AGPAT5: variants seen among roughly 807,000 people sequenced by gnomAD.
The protein encoded by AGPAT5 is 1-acyl-sn-glycerol-3-phosphate acyltransferase epsilon.
A neutral mutation model predicts 45.6 loss-of-function variants in AGPAT5; 46 were observed. The ratio of observed to expected loss-of-function variants is 1.01; its 90% CI spans 0.80 to 1.29. The LOEUF is 1.29. AGPAT5 is among the 50% of genes most tolerant of loss of function. The probability of loss-of-function intolerance (pLI) is 0.00; values close to 1 mark genes in which losing one functional copy is unlikely to be tolerated. For synonymous variants in AGPAT5, 272 were observed against 167.0 expected (o/e 1.63, Z -4.85); for missense variants, 673 against 450.7 (o/e 1.49, Z -4.47).
intron 2 of AGPAT5, among the ~76,000 whole-genome samples, chr8:6,729,249 T>C (rs1444100727): frequency 6.6e-6 from 1 of 152,188 alleles, no homozygotes; most frequent in African/African-American, 2.4e-5. Flanking sequence ...TTCCCATAGC[T>C]GAGAGCTAAT....
At position 6,758,340 on chromosome 8, in the gene AGPAT5, G is replaced by C. The variant is rs1355537618; in HGVS notation, c.*952G>C. 1.3e-5 allele frequency: 2 copies of C among 152,646 alleles called. No homozygotes were observed. Among genetic ancestry groups the C allele is most frequent in the Non-Finnish European group, 2.9e-5 (2 of 68,048 alleles). The allele number at this position is 152,646 out of a possible 1,614,324, so 9.5% of individuals were successfully genotyped here. The stretch of plus-strand genomic sequence containing the variant: ...GTGTGCCTTTTGCCTGCTTCTCTTT[G>C]ATTTCACAGAATATTCATTCAGAAG... On this transcript the variant is annotated 3_prime_UTR_variant, in exon 8 of 8. Coordinates refer to ENST00000285518, the MANE Select transcript of AGPAT5 (RefSeq NM_018361.5).
At chr8:6,750,721 T>TA (rs988919372) in intron 6 of AGPAT5, among the ~76,000 whole-genome samples, 5 of 29,080 alleles carry the variant, frequency 1.7e-4, no homozygotes, top group Non-Finnish European at 2.5e-4. Context: ...CTACAGGGGA[T>TA]ACCTTTTTTT....
intron 4 of AGPAT5, among the ~76,000 whole-genome samples, chr8:6,739,739 T>G (rs142470376): frequency 4.6e-5 from 7 of 152,222 alleles, no homozygotes; most frequent in African/African-American, 1.4e-4. Context: ...TCTTGATGGC[T>G]TTTATTTCTT....
intron 4 of AGPAT5, among the ~76,000 whole-genome samples, chr8:6,737,300 T>A (rs989897672): frequency 6.6e-6 from 1 of 152,232 alleles, no homozygotes; most frequent in Non-Finnish European, 1.5e-5. Flanking sequence ...CAGGTTCTTA[T>A]GATTCTTTTG....
chr8:6,750,736 T>TTA (rs397809110), intron 6 of AGPAT5, among the ~76,000 whole-genome samples: 22 of 151,876 alleles, frequency 1.4e-4, no homozygotes, highest in African/African-American at 4.8e-4. Flanking sequence ...TTTTTTTTTT[T>TTA]AATCCATTAG....
At position 6,708,768 on chromosome 8, in the gene AGPAT5, G is replaced by T. The variant is rs765296705; in HGVS notation, c.100G>T (p.Val34Phe). The T allele has an allele frequency of 4.4e-6, 7 of 1,608,730 alleles. No homozygotes were observed. Among genetic ancestry groups the T allele is most frequent in the South Asian group, 1.1e-5 (1 of 90,894 alleles). Residue 34 changes from valine (V) to phenylalanine (F), a missense_variant, in exon 1 of 8, where the codon GTC (valine) becomes TTC (phenylalanine). By Grantham distance (50) the Val-to-Phe change is conservative. Coordinates refer to ENST00000285518, the MANE Select transcript of AGPAT5 (RefSeq NM_018361.5). ...GCCCACCTACGTGTTGGCCTGGGGG[G>T]TCTGGCGGCTGCTCTCCGCCTTCCT... ...TAPTYVLAWGVWRLLSAFLPA... is the reference protein window; with the variant it reads ...TAPTYVLAWGFWRLLSAFLPA...
intron 4 of AGPAT5, among the ~76,000 whole-genome samples, chr8:6,734,501 T>G (rs1265705527): frequency 6.6e-6 from 1 of 152,206 alleles, no homozygotes; most frequent in Admixed American, 6.5e-5. Flanking sequence ...ATCATAAAGC[T>G]TAGTCACGTT....
chr8:6,718,606 G>C (rs1409688161), intron 1 of AGPAT5, among the ~76,000 whole-genome samples: 1 of 152,204 alleles, frequency 6.6e-6, no homozygotes, highest in East Asian at 1.9e-4. Flanking sequence ...AGACTATGTT[G>C]ATTTACAGGC....
At chr8:6,722,615 A>G (rs1467060875) in intron 1 of AGPAT5, among the ~76,000 whole-genome samples, 2 of 152,234 alleles carry the variant, frequency 1.3e-5, no homozygotes, top group Non-Finnish European at 2.9e-5. Context: ...GGCAGTTTAT[A>G]TGTCATGGGA....
chr8:6,728,070 G>A (rs1345373712), intron 2 of AGPAT5, among the ~76,000 whole-genome samples: 1 of 152,170 alleles, frequency 6.6e-6, no homozygotes, highest in African/African-American at 2.4e-5. Context: ...GTATCTCTTG[G>A]ACTACACAGG....
chr8:6,713,289 A>G (rs1444738111), intron 1 of AGPAT5, among the ~76,000 whole-genome samples: 1 of 152,164 alleles, frequency 6.6e-6, no homozygotes. Flanking sequence ...TATTCTAATT[A>G]CCGATTTATC....
intron 6 of AGPAT5, among the ~76,000 whole-genome samples, chr8:6,751,135 A>G (rs1446887336): frequency 6.6e-6 from 1 of 152,246 alleles, no homozygotes; most frequent in East Asian, 1.9e-4. Flanking sequence ...TTAGTTTAAG[A>G]GTCACTTTAA....
chr8:6,755,070 T>A lies in AGPAT5; in HGVS notation c.765T>A (p.Cys255Ter). The change falls in exon 7 of 8, where the codon TGT (cysteine) becomes TGA (stop). Residue 255 changes from cysteine (C) to a stop codon, truncating the protein, a stop_gained. Transcript: ENST00000285518. LOFTEE classifies it high-confidence loss of function. Reference protein sequence around the residue: ...PTMTEFLCKECPKIHIHIDRI... With the variant: ...PTMTEFLCKE Reference sequence around the variant, plus strand: ...TGTTAGAATTTCTCTGCAAAGAATGTCCAAAAATTCATATTCACATTGATC... The same window carrying A: ...TGTTAGAATTTCTCTGCAAAGAATGACCAAAAATTCATATTCACATTGATC... 1 of 1,593,892 alleles carries A rather than the reference T, an allele frequency of 6.3e-7. No individual in the cohort carries two copies. The highest frequency in any genetic ancestry group is 8.5e-7 in the Non-Finnish European group (1 of 1,173,308).
chr8:6,720,033 C>A (rs1013999162), intron 1 of AGPAT5, among the ~76,000 whole-genome samples: 2 of 152,132 alleles, frequency 1.3e-5, no homozygotes, highest in Non-Finnish European at 1.5e-5. Flanking sequence ...CTTTTTAAAG[C>A]CAACTGTGAG....
At chr8:6,734,434 A>C (rs1800973066) in intron 4 of AGPAT5, among the ~76,000 whole-genome samples, 1 of 151,728 alleles carries the variant, frequency 6.6e-6, no homozygotes, top group East Asian at 1.9e-4. Flanking sequence ...TTCATTCCTC[A>C]CATTTCCCTT....
chr8:6,736,275 T>G (rs1801051515), intron 4 of AGPAT5, among the ~76,000 whole-genome samples: 1 of 152,264 alleles, frequency 6.6e-6, no homozygotes, highest in Non-Finnish European at 1.5e-5. Flanking sequence ...ATTCAGACTT[T>G]ACCAGGTTTT....
intron 6 of AGPAT5, among the ~76,000 whole-genome samples, chr8:6,751,467 A>G (rs906668732): frequency 6.6e-6 from 1 of 152,202 alleles, no homozygotes; most frequent in Non-Finnish European, 1.5e-5. Context: ...GAGAGCTGGG[A>G]AGCTGTAGAA....
intron 4 of AGPAT5, among the ~76,000 whole-genome samples, chr8:6,739,848 A>C (rs1039572735): frequency 6.6e-6 from 1 of 151,950 alleles, no homozygotes; most frequent in African/African-American, 2.4e-5. Flanking sequence ...AGGGAAAAGC[A>C]CTCATTCTTT....
rs1482802979 is a variant in AGPAT5 at position 6,759,315 on chromosome 8, A to AT, written c.*1927_*1928insT. ...TTAACAAGGTAGCCTGACCTGCATAAGATCACTTGAATGTTAGGTTTCATA... is the reference window on the plus strand; with the variant it reads ...TTAACAAGGTAGCCTGACCTGCATAATGATCACTTGAATGTTAGGTTTCATA... On this transcript the variant is annotated 3_prime_UTR_variant, in exon 8 of 8. Transcript: ENST00000285518. 6.6e-6 allele frequency: 1 copy of AT among 152,218 alleles called. No individual in the cohort carries two copies. The highest frequency in any genetic ancestry group is 1.5e-5 in the Non-Finnish European group (1 of 68,032). The allele number at this position is 152,218 out of a possible 1,614,324, so 9.4% of individuals were successfully genotyped here.
Sources: gnomAD v4.1 joint callset for allele counts (sites outside exome capture counted in the v4.1 genomes callset) on GRCh38, gnomAD v4.1.1 for gene constraint, MANE v1.5 for transcripts, NCBI Gene and HGNC (gene_info 2026-07-23, HGNC 2026-07-21) for gene names.